Variants in NELFA observed in about 807,000 individuals in gnomAD.
The protein encoded by NELFA is negative elongation factor A.
In NELFA, 35 loss-of-function variants were observed where a neutral mutation model predicts 51.8. The observed-to-expected ratio is 0.68, with a 90% CI of 0.52 to 0.90. The LOEUF is 0.90. Among genes scored for constraint, NELFA ranks in the 40% least tolerant of loss-of-function variants. The probability of loss-of-function intolerance (pLI) is 0.00; values close to 1 mark genes in which losing one functional copy is unlikely to be tolerated. For missense variants in NELFA, 658 were observed against 746.4 expected (o/e 0.88, Z 1.38); for synonymous variants, 417 against 338.4 (o/e 1.23, Z -2.55).
At chr4:2,002,578 A>G (rs1335222953) in intron 1 of NELFA, among the ~76,000 whole-genome samples, 1 of 152,118 alleles carries the variant, frequency 6.6e-6, no homozygotes, top group Non-Finnish European at 1.5e-5. Context: ...AAATAACACC[A>G]CACATCTACC....
At chr4:1,985,677 CATATAT>C in intron 7 of NELFA, 93 bp downstream of exon 7, 1 of 854,660 alleles carries the variant, frequency 1.2e-6, no homozygotes, top group Admixed American at 2.1e-5. Flanking sequence ...TATGTACATA[CATATAT>C]ATATTCTCCG....
Position 2,008,893 on chromosome 4 carries a change from G to C in NELFA, c.67C>G (p.Leu23Val). 9 of 1,587,560 alleles carry C rather than the reference G, an allele frequency of 5.7e-6. No individual in the cohort carries two copies. The highest frequency in any genetic ancestry group is 6.8e-6 in the Non-Finnish European group (8 of 1,168,024). Reference protein sequence around the residue: ...LHNKLGATDELWAPPSIASLL... With the variant: ...LHNKLGATDEVWAPPSIASLL... The stretch of plus-strand genomic sequence containing the variant: ...GACGCGATGCTGGGCGGCGCCCACA[G>C]CTCGTCCGTGGCCCCCAGCTTGTTG... The change falls in exon 1 of 11, where the codon CTG becomes GTG. Residue 23 changes from leucine to valine, a missense_variant. This residue lies in a region of NELFA where 371 missense variants were observed against 448.3 expected (regional missense o/e 0.83). Transcript: ENST00000382882.
In NELFA at chr4:1,990,700, G is replaced by C. The variant is rs138796245; in HGVS notation, c.383-831C>G. Among the ~76,000 whole-genome samples the C allele has an allele frequency of 2.4e-4, 36 of 152,362 alleles. 1 individual carries two copies. The East Asian group carries it at 5.0e-3, about 21-fold the overall frequency. ...GAAGGAGCTGGGGCACAACGTTTGG[G>C]CTCTGAGGAGCCAGTTCCAATTGTC... On this transcript the variant is annotated intron_variant, in intron 2 of 10. Transcript: ENST00000382882.
rs565125938 is a variant in NELFA, at chr4:1,991,829, C to T, written c.211-114G>A. ...TGGCCGGGCTCTCTGGCAGTTGCCC[C>T]CAACACTTCCTCCTGAGGGCTCCCC... On this transcript the variant is annotated intron_variant, in intron 1 of 10. Coordinates refer to ENST00000382882, the MANE Select transcript of NELFA (RefSeq NM_005663.5). 84 of 1,091,154 alleles carry T rather than the reference C, an allele frequency of 7.7e-5. 1 individual carries two copies. In the South Asian group the frequency reaches 1.2e-3, roughly 16 times the overall value. The allele number at this position is 1,091,154 out of a possible 1,614,324, so 67.6% of individuals were successfully genotyped here.
At chr4:1,987,444 T>C in intron 4 of NELFA, 1 of 157,148 alleles carries the variant, frequency 6.4e-6, no homozygotes, top group Non-Finnish European at 1.4e-5. Flanking sequence ...GATGGAGGGG[T>C]GCGGGGGGCA....
At chr4:1,988,158 A>G in intron 3 of NELFA, 151 bp from the exon 4 acceptor site, 1 of 650,430 alleles carries the variant, frequency 1.5e-6, no homozygotes, top group Admixed American at 3.0e-5. Context: ...GCCGGGCCTG[A>G]CACCAGCTCG....
intron 1 of NELFA, among the ~76,000 whole-genome samples, chr4:1,993,921 C>T (rs1016836975): frequency 5.9e-5 from 9 of 151,962 alleles, no homozygotes; most frequent in African/African-American, 2.2e-4. Flanking sequence ...CTGCCTCATG[C>T]TCCCACAGTG....
chr4:2,003,231 G>C (rs994433336), intron 1 of NELFA, among the ~76,000 whole-genome samples: 3 of 152,210 alleles, frequency 2.0e-5, no homozygotes, highest in Non-Finnish European at 4.4e-5. Flanking sequence ...GGAAACAATA[G>C]ATGCTAGCGA....
In NELFA at chr4:2,008,740, C is replaced by G. The variant is rs1728783188; in HGVS notation, c.210+10G>C. On this transcript the variant is annotated intron_variant, in intron 1 of 10. Transcript: ENST00000382882. ...AATCTGGGGGCCGCGGGGCGCCACGCCTGCCTTACCTCGTCCACCGTGCGG... is the reference window on the plus strand; with the variant it reads ...AATCTGGGGGCCGCGGGGCGCCACGGCTGCCTTACCTCGTCCACCGTGCGG... The G allele has an allele frequency of 1.9e-6, 3 of 1,597,544 alleles. No homozygotes were observed. Among genetic ancestry groups the G allele is most frequent in the African/African-American group, 1.3e-5 (1 of 74,710 alleles).
intron 1 of NELFA, chr4:1,992,554 C>T (rs924288141): frequency 3.5e-5 from 12 of 345,924 alleles, no homozygotes; most frequent in African/African-American, 2.2e-4. Context: ...GGCTGGCTGG[C>T]GCTGGGGGTG....
In NELFA at chr4:1,984,048, C is replaced by T; in HGVS notation, c.1102G>A (p.Ala368Thr). Residue 368 changes from alanine to threonine, a missense_variant, in exon 9 of 11, where the codon GCG (alanine) becomes ACG (threonine). Physicochemically the swap from Ala to Thr is moderately conservative, Grantham distance 58 (BLOSUM62 0). Around this residue, in one of 3 missense-constraint regions of NELFA, gnomAD observed 200 missense variants for 167.9 expected, o/e 1.19. Coordinates refer to ENST00000382882, the MANE Select transcript of NELFA (RefSeq NM_005663.5). Reference protein sequence around the residue: ...EPSAPSPTLPAQFKQRAPMYN... With the variant: ...EPSAPSPTLPTQFKQRAPMYN... ...ATGGGCGCCCGCTGCTTGAACTGCG[C>T]TGGCAACGTGGGGCTCGGGGCGCTG... is the stretch of plus-strand genomic sequence containing the variant. 2 of 1,604,966 alleles carry T rather than the reference C, an allele frequency of 1.2e-6. No homozygotes were observed. Among genetic ancestry groups the T allele is most frequent in the Middle Eastern group, 1.8e-4 (1 of 5,610 alleles).
rs1185968989 is a variant in NELFA at position 1,983,890 on chromosome 4, C to G, written c.1260G>C (p.Gln420His). The change falls in exon 9 of 11, where the codon CAG (glutamine) becomes CAC (histidine). Residue 420 changes from glutamine to histidine, a missense_variant. Gln to His is a conservative substitution (Grantham distance 24, BLOSUM62 0). This residue lies in a region of NELFA where 200 missense variants were observed against 167.9 expected (regional missense o/e 1.19). Coordinates refer to ENST00000382882, the MANE Select transcript of NELFA (RefSeq NM_005663.5). The part of the protein sequence containing the change: ...PPVAMVAPQT[Q>H]APAQQQPKKN... ...TCTTAGGCTGCTGCTGAGCAGGGGC[C>G]TGGGTCTGCGGGGCCACCATGGCAA... 1 of 1,596,928 alleles carries G rather than the reference C, an allele frequency of 6.3e-7. No homozygotes were observed. The highest frequency in any genetic ancestry group is 8.5e-7 in the Non-Finnish European group (1 of 1,171,242).
At chr4:2,002,186 C>G (rs928335176) in intron 1 of NELFA, among the ~76,000 whole-genome samples, 1 of 151,634 alleles carries the variant, frequency 6.6e-6, no homozygotes, top group Admixed American at 6.6e-5. Flanking sequence ...GGCGACAAAG[C>G]GAGACTCCAT....
chr4:1,985,878 A>G lies in NELFA; in HGVS notation c.836-14T>C, dbSNP rs1217025435. 4.4e-6 allele frequency: 7 copies of G among 1,607,564 alleles called. No homozygotes were observed. In the South Asian group the frequency reaches 7.7e-5, roughly 18 times the overall value. The stretch of plus-strand genomic sequence containing the variant: ...CCACCTCCGCATCTGTGGACAAAAC[A>G]GGAGTCCTCGCCAGTGCCCGGGCGC... On this transcript the variant is annotated splice_polypyrimidine_tract_variant and intron_variant, in intron 6 of 10. Transcript: ENST00000382882.
chr4:2,007,924 A>G (rs555189654), intron 1 of NELFA: 54 of 455,664 alleles, frequency 1.2e-4, no homozygotes, highest in Non-Finnish European at 2.4e-4. Flanking sequence ...TCGCACGGAA[A>G]GCGATACAAT....
At chr4:1,992,714 C>T (rs1452306360) in intron 1 of NELFA, 1 of 200,220 alleles carries the variant, frequency 5.0e-6, no homozygotes, top group African/African-American at 2.4e-5. Flanking sequence ...CTGGTGGCCT[C>T]TGAGTGGGAG....
At position 1,989,874 on chromosome 4, in the gene NELFA, C is replaced by T. The variant is rs765701714; in HGVS notation, c.383-5G>A. The T allele has an allele frequency of 2.2e-5, 36 of 1,611,524 alleles. No homozygotes were observed. The highest frequency in any genetic ancestry group is 4.5e-5 in the East Asian group (2 of 44,862). On this transcript the variant is annotated splice_region_variant and splice_polypyrimidine_tract_variant and intron_variant, in intron 2 of 10. Coordinates refer to ENST00000382882, the MANE Select transcript of NELFA (RefSeq NM_005663.5). This position sits in a 1 kb window ranked among gnomAD's most constrained non-coding sequence, Gnocchi z 4.8. ...CAGACGCTTCACACTCACCCACTGC[C>T]GGTAAGAACCACATGAAGTTAGGGG... is the stretch of plus-strand genomic sequence containing the variant.
chr4:1,992,893 G>A (rs929297460), intron 1 of NELFA, among the ~76,000 whole-genome samples: 2 of 152,176 alleles, frequency 1.3e-5, no homozygotes, highest in African/African-American at 4.8e-5. Flanking sequence ...AACCCCCCGC[G>A]TGGCCCAGCC....
intron 1 of NELFA, among the ~76,000 whole-genome samples, chr4:1,999,603 T>C: frequency 6.6e-6 from 1 of 152,160 alleles, no homozygotes; most frequent in Non-Finnish European, 1.5e-5. Flanking sequence ...ATCCTAAATA[T>C]ATATGCACCC....
Sources: gnomAD v4.1 joint callset for allele counts (sites outside exome capture counted in the v4.1 genomes callset) on GRCh38, gnomAD v4.1.1 for gene constraint, gnomAD v4.1.1 regional missense constraint, Gnocchi (gnomAD v3.1) non-coding constraint, MANE v1.5 for transcripts, NCBI Gene and HGNC (gene_info 2026-07-23, HGNC 2026-07-21) for gene names.